Variants in HMG20A observed in about 807,000 individuals in gnomAD.
HMG20A encodes high mobility group 20A, also known as high mobility group protein 20A.
HMG20A carries 17 observed loss-of-function variants against 43.9 expected under a neutral mutation model. The observed-to-expected ratio is 0.39, with a 90% CI of 0.27 to 0.58. The LOEUF (loss-of-function observed/expected upper bound fraction) is 0.58, where lower values mean the gene tolerates loss of function less well. Ranked by LOEUF, HMG20A falls within the 20% of genes least tolerant of loss-of-function variation. The pLI is 0.59. For synonymous variants in HMG20A, 132 were observed against 147.5 expected (o/e 0.89, Z 0.76); for missense variants, 341 against 438.2 (o/e 0.78, Z 1.98).
chr15:77,468,584 C>T (rs1336891199), intron 4 of HMG20A, among the ~76,000 whole-genome samples: 5 of 140,834 alleles, frequency 3.6e-5, no homozygotes, highest in African/African-American at 1.1e-4. Flanking sequence ...CTCTCTCTCT[C>T]TCTCTCTCTC....
chr15:77,477,703 G>A, intron 7 of HMG20A, 73 bp downstream of exon 7: 7 of 1,012,244 alleles, frequency 6.9e-6, no homozygotes, highest in Non-Finnish European at 9.2e-6. Flanking sequence ...GAAATTCATT[G>A]CTCAAAAGCA....
At chr15:77,467,435 A>G (rs2072767186) in intron 4 of HMG20A, 128 bp downstream of exon 4, 1 of 723,088 alleles carries the variant, frequency 1.4e-6, no homozygotes, top group African/African-American at 1.8e-5. Flanking sequence ...AGACCAGAAT[A>G]GCAGGGTCCA....
At chr15:77,470,826 G>C in intron 4 of HMG20A, 84 bp from the exon 5 acceptor site, 1 of 1,185,184 alleles carries the variant, frequency 8.4e-7, no homozygotes, top group South Asian at 1.9e-5. Context: ...TGTTCTAATT[G>C]TCCTGTTTTC....
chr15:77,514,810 C>T, the HMG20A span, among the ~76,000 whole-genome samples: 2 of 152,290 alleles, frequency 1.3e-5, no homozygotes, highest in East Asian at 1.9e-4. Flanking sequence ...GGGCCCGAGT[C>T]GGGGCAGGCA....
At chr15:77,449,200 C>A (rs910258229) in intron 1 of HMG20A, among the ~76,000 whole-genome samples, 1 of 152,024 alleles carries the variant, frequency 6.6e-6, no homozygotes, top group African/African-American at 2.4e-5. Context: ...CTTGAAGCAG[C>A]AAGCCTTATG....
chr15:77,450,562 T>G (rs1440925918), intron 1 of HMG20A, among the ~76,000 whole-genome samples: 1 of 152,238 alleles, frequency 6.6e-6, no homozygotes, highest in African/African-American at 2.4e-5. Context: ...AGAATTCATG[T>G]GCTACCAATA....
chr15:77,486,822 A>T (rs1049266110), downstream of HMG20A, among the ~76,000 whole-genome samples: 3 of 152,214 alleles, frequency 2.0e-5, no homozygotes, highest in Non-Finnish European at 4.4e-5. Context: ...CTTGCCTTGG[A>T]GGACAGGAAG....
At chr15:77,509,507 C>T in the HMG20A span, among the ~76,000 whole-genome samples, 36 of 151,376 alleles carry the variant, frequency 2.4e-4, no homozygotes, top group African/African-American at 8.2e-4. Flanking sequence ...TGCCTGGCCT[C>T]GGCCTCTCAA....
chr15:77,428,697 G>T (rs914553670), intron 1 of HMG20A, among the ~76,000 whole-genome samples: 4 of 152,184 alleles, frequency 2.6e-5, no homozygotes, highest in Non-Finnish European at 5.9e-5. Flanking sequence ...GGCTGGGTGT[G>T]GTGGCTTCTG....
At chr15:77,475,403 G>T (rs2072846182) in intron 6 of HMG20A, among the ~76,000 whole-genome samples, 1 of 152,210 alleles carries the variant, frequency 6.6e-6, no homozygotes, top group African/African-American at 2.4e-5. Context: ...GCTGTCCTCT[G>T]CCCTTACATA....
chr15:77,437,260 G>C (rs1340414161), intron 1 of HMG20A, among the ~76,000 whole-genome samples: 1 of 152,112 alleles, frequency 6.6e-6, no homozygotes, highest in Non-Finnish European at 1.5e-5. Flanking sequence ...AGTTTTTCAT[G>C]AGGGCAGAGA....
In HMG20A at chr15:77,484,712, C is replaced by G. The variant is rs1477107743; in HGVS notation, c.*1749C>G. The G allele has an allele frequency of 1.3e-5, 2 of 152,206 alleles. No individual in the cohort carries two copies. Among genetic ancestry groups the G allele is most frequent in the Non-Finnish European group, 2.9e-5 (2 of 68,044 alleles). 9.4% of individuals were successfully genotyped at this position (152,206 alleles called of 1,614,324 possible). On this transcript the variant is annotated 3_prime_UTR_variant, in exon 10 of 10. Coordinates refer to ENST00000336216, the MANE Select transcript of HMG20A (RefSeq NM_001304504.2). ...CCCCATTATTATCTATTGCTATAAA[C>G]CTAGCCAGTTCTCTTGCTCTTCTGT...
At chr15:77,485,872 C>A (rs1159050816), downstream of HMG20A, among the ~76,000 whole-genome samples, 1 of 152,236 alleles carries the variant, frequency 6.6e-6, no homozygotes, top group African/African-American at 2.4e-5. Context: ...GTGGAGGTTG[C>A]AGTGAGCCGA....
At chr15:77,482,396 G>C (rs960658643) in intron 9 of HMG20A, 2 of 151,976 alleles carry the variant, frequency 1.3e-5, no homozygotes, top group Non-Finnish European at 2.9e-5. Context: ...AGGCCATGAG[G>C]GTGATTTTAA....
intron 1 of HMG20A, among the ~76,000 whole-genome samples, chr15:77,443,352 T>G (rs550447307): frequency 1.1e-4 from 15 of 141,788 alleles, no homozygotes; most frequent in Admixed American, 5.0e-4. Context: ...ATCTATTTTT[T>G]ATGATGATGA....
intron 1 of HMG20A, among the ~76,000 whole-genome samples, chr15:77,452,032 A>G (rs2072608033): frequency 6.6e-6 from 1 of 152,252 alleles, no homozygotes; most frequent in Non-Finnish European, 1.5e-5. Flanking sequence ...TAGAGAATAT[A>G]TTGAGTGTCC....
the HMG20A span, among the ~76,000 whole-genome samples, chr15:77,497,726 T>C: frequency 2.8e-5 from 4 of 143,260 alleles, no homozygotes; most frequent in Non-Finnish European, 6.1e-5. Flanking sequence ...AAACGTAGGG[T>C]GGAGATATTA....
intron 2 of HMG20A, among the ~76,000 whole-genome samples, chr15:77,461,867 A>G (rs2072708193): frequency 6.6e-6 from 1 of 152,246 alleles, no homozygotes; most frequent in Non-Finnish European, 1.5e-5. Context: ...TGCCTAACAC[A>G]TCTAAAATGA....
the HMG20A span, among the ~76,000 whole-genome samples, chr15:77,515,352 T>A: frequency 1.3e-5 from 2 of 152,150 alleles, no homozygotes; most frequent in African/African-American, 2.4e-5. Context: ...AGGGTGGAAG[T>A]CTGGATTTCG....
Sources: gnomAD v4.1 joint callset for allele counts (sites outside exome capture counted in the v4.1 genomes callset) on GRCh38, gnomAD v4.1.1 for gene constraint, MANE v1.5 for transcripts, NCBI Gene and HGNC (gene_info 2026-07-23, HGNC 2026-07-21) for gene names.